Variants in KMT2C observed in about 807,000 individuals in gnomAD.
KMT2C encodes lysine methyltransferase 2C, also known as histone-lysine N-methyltransferase 2C.
In KMT2C, 88 loss-of-function variants were observed where a neutral mutation model predicts 507.9. The ratio of observed to expected loss-of-function variants is 0.17; its 90% confidence interval spans 0.15 to 0.21. The LOEUF (loss-of-function observed/expected upper bound fraction) is 0.21, where lower values mean the gene tolerates loss of function less well. Among genes scored for constraint, KMT2C ranks in the 10% least tolerant of loss-of-function variants. The pLI is 1.00. For synonymous variants in KMT2C, 2,049 were observed against 2,080.8 expected (o/e 0.98, Z 0.42); for missense variants, 4,954 against 5,957.8 (o/e 0.83, Z 5.55).
At position 152,350,330 on chromosome 7, in the gene KMT2C, C is replaced by G. The variant is rs572255829; in HGVS notation, c.250+8257G>C. On this transcript the variant is annotated intron_variant, in intron 2 of 58. Coordinates refer to ENST00000262189, the MANE Select transcript of KMT2C (RefSeq NM_170606.3). The stretch of plus-strand genomic sequence containing the variant: ...AACTGAATGTATCGATGTGAACTCA[C>G]ATTTGTAAGTGTGTGTATAGATCTA... Among the ~76,000 whole-genome samples, 3 of 152,298 alleles carry G rather than the reference C, an allele frequency of 2.0e-5. No individual in the cohort carries two copies. In the East Asian group the frequency reaches 5.8e-4, roughly 29 times the overall value.
intron 6 of KMT2C, among the ~76,000 whole-genome samples, chr7:152,276,374 TA>T (rs1404241640): frequency 1.3e-5 from 2 of 152,180 alleles, no homozygotes; most frequent in East Asian, 3.8e-4. Flanking sequence ...TCAAGCAAGT[TA>T]AAATATTAAT....
At chr7:152,321,079 C>T (rs1471977469) in intron 3 of KMT2C, among the ~76,000 whole-genome samples, 1 of 151,704 alleles carries the variant, frequency 6.6e-6, no homozygotes, top group Non-Finnish European at 1.5e-5. Context: ...ACTAAAAATA[C>T]AAAAGTTAGC....
At chr7:152,367,120 G>A in intron 1 of KMT2C, 1 of 963,738 alleles carries the variant, frequency 1.0e-6, no homozygotes, top group Non-Finnish European at 1.6e-6. Flanking sequence ...AGAGAAGAGT[G>A]TGGTCTCCTA....
chr7:152,307,622 G>A (rs2096633576), intron 6 of KMT2C, among the ~76,000 whole-genome samples: 1 of 152,164 alleles, frequency 6.6e-6, no homozygotes, highest in Admixed American at 6.5e-5. Flanking sequence ...CGGAAGGGAT[G>A]CAATGTCTCC....
chr7:152,345,004 T>C (rs1031417604), intron 2 of KMT2C, among the ~76,000 whole-genome samples: 1 of 150,594 alleles, frequency 6.6e-6, no homozygotes, highest in Non-Finnish European at 1.5e-5. Context: ...TATAATACAA[T>C]AAAATAAAAT....
intron 3 of KMT2C, among the ~76,000 whole-genome samples, chr7:152,321,939 C>T (rs2096776518): frequency 6.6e-6 from 1 of 151,662 alleles, no homozygotes; most frequent in African/African-American, 2.4e-5. Flanking sequence ...TATGGAAGCA[C>T]AGAAGACATC....
At chr7:152,290,458 T>C (rs1781758684) in intron 6 of KMT2C, among the ~76,000 whole-genome samples, 1 of 150,572 alleles carries the variant, frequency 6.6e-6, no homozygotes, top group Non-Finnish European at 1.5e-5. Context: ...TGCAGGTGCC[T>C]GCTACCATGC....
intron 23 of KMT2C, among the ~76,000 whole-genome samples, chr7:152,215,341 G>A (rs1265474043): frequency 6.6e-6 from 1 of 151,320 alleles, no homozygotes; most frequent in Non-Finnish European, 1.5e-5. Context: ...GTGAAACCCC[G>A]CCTCTACTAA....
At chr7:152,286,407 A>G (rs112136346) in intron 6 of KMT2C, among the ~76,000 whole-genome samples, 275 of 137,252 alleles carry the variant, frequency 2.0e-3, no homozygotes, top group African/African-American at 7.0e-3. Context: ...GAAAATCCTG[A>G]AAGCAGCCAG....
intron 4 of KMT2C, among the ~76,000 whole-genome samples, chr7:152,313,349 C>T (rs925908522): frequency 6.6e-5 from 10 of 151,950 alleles, no homozygotes; most frequent in African/African-American, 2.2e-4. Context: ...AAGAGAATGA[C>T]TAATTTATTA....
At chr7:152,153,564 AAAG>A (rs899945371) in intron 48 of KMT2C, among the ~76,000 whole-genome samples, 10 of 152,158 alleles carry the variant, frequency 6.6e-5, no homozygotes, top group African/African-American at 2.4e-4. Flanking sequence ...TAACAGTTAC[AAAG>A]AAGTTTTTTC....
chr7:152,184,072 C>CAAAAAAAAAAAAAAAAAAAA (rs555445009), intron 34 of KMT2C, among the ~76,000 whole-genome samples: 1 of 49,434 alleles, frequency 2.0e-5, no homozygotes. Context: ...AGCTCCATCT[C>CAAAAAAAAAAAAAAAAAAAA]AAAAAAAAAA....
chr7:152,264,855 T>C (rs2095837045), intron 8 of KMT2C, among the ~76,000 whole-genome samples, 183 bp downstream of exon 8: 1 of 151,248 alleles, frequency 6.6e-6, no homozygotes, highest in South Asian at 2.1e-4. Flanking sequence ...TAACAAATTA[T>C]ATTATGGATA....
chr7:152,247,604 C>T (rs1172604447), intron 14 of KMT2C, among the ~76,000 whole-genome samples: 3 of 152,308 alleles, frequency 2.0e-5, no homozygotes, highest in African/African-American at 7.2e-5. Flanking sequence ...ATATTTACTG[C>T]AGCACAGAAC....
rs2129093256 is a variant in KMT2C at position 152,145,179 on chromosome 7, A to T, written c.14148T>A (p.Ser4716Arg). ...TGCARSEPKMSAHVKRFVLRP... is the reference protein window; with the variant it reads ...TGCARSEPKMRAHVKRFVLRP... ...TTAACACAAACCTCTTGACATGGGC[A>T]CTCATTTTAGGTTCAGAACGGGCAC... Residue 4716 changes from serine to arginine, a missense_variant, in exon 54 of 59, where the codon AGT becomes AGA. Ser to Arg is a moderately radical substitution (Grantham distance 110, BLOSUM62 -1). Transcript: ENST00000262189. 6.2e-7 allele frequency: 1 copy of T among 1,614,100 alleles called. No individual in the cohort carries two copies. Among genetic ancestry groups the T allele is most frequent in the Non-Finnish European group, 8.5e-7 (1 of 1,180,024 alleles).
In KMT2C at chr7:152,177,259, A is replaced by G. The variant is rs1294261571; in HGVS notation, c.8194T>C (p.Leu2732=). Residue 2732 remains leucine, a synonymous_variant, in exon 38 of 59, where the codon TTG becomes CTG. Coordinates refer to ENST00000262189, the MANE Select transcript of KMT2C (RefSeq NM_170606.3). ...LDTEDGKVVE[L]DTLDNLETND... ...GTTTCCAAATTATCTAAAGTATCCA[A>G]TTCAACTACCTTGCCATCCTCTGTA... is the stretch of plus-strand genomic sequence containing the variant. 2 of 1,613,790 alleles carry G rather than the reference A, an allele frequency of 1.2e-6. No homozygotes were observed. The highest frequency in any genetic ancestry group is 1.7e-6 in the Non-Finnish European group (2 of 1,180,012).
chr7:152,226,771 AT>A (rs2094946704), intron 18 of KMT2C, among the ~76,000 whole-genome samples: 1 of 152,182 alleles, frequency 6.6e-6, no homozygotes, highest in Non-Finnish European at 1.5e-5. Context: ...TTGCAACTTT[AT>A]AAAAACTCTG....
chr7:152,220,441 T>A (rs2094730088), intron 23 of KMT2C, 82 bp downstream of exon 23: 2 of 1,098,710 alleles, frequency 1.8e-6, no homozygotes, highest in South Asian at 2.8e-5. Context: ...TACCCTTTGG[T>A]AAATCATACA....
intron 43 of KMT2C, 82 bp from the exon 44 acceptor site, chr7:152,159,154 C>T (rs1288036854): frequency 1.0e-5 from 12 of 1,161,734 alleles, no homozygotes; most frequent in Admixed American, 3.5e-5. Flanking sequence ...AGCTATGACG[C>T]GTCATCCTAA....
Sources: gnomAD v4.1 joint callset for allele counts (sites outside exome capture counted in the v4.1 genomes callset) on GRCh38, gnomAD v4.1.1 for gene constraint, MANE v1.5 for transcripts, NCBI Gene and HGNC (gene_info 2026-07-23, HGNC 2026-07-21) for gene names.